The following ELF1 variants were observed in gnomAD, a reference collection of about 807,000 sequenced individuals.
The protein encoded by ELF1 is ETS-related transcription factor Elf-1.
A neutral mutation model predicts 59.9 loss-of-function variants in ELF1; 24 were observed. The observed-to-expected ratio is 0.40, with a 90% confidence interval of 0.29 to 0.56. The LOEUF (loss-of-function observed/expected upper bound fraction) is 0.56. Among genes scored for constraint, ELF1 ranks in the 20% least tolerant of loss-of-function variants. The probability of loss-of-function intolerance (pLI) is 0.44; values close to 1 mark genes in which losing one functional copy is unlikely to be tolerated. For missense variants in ELF1, 627 were observed against 742.2 expected, an observed-to-expected ratio of 0.84 and a Z score of 1.80; for synonymous variants, 248 against 266.2, an observed-to-expected ratio of 0.93 and a Z score of 0.67.
chr13:41,047,839 CTGCTGCCT>C (rs911932389), intron 1 of ELF1, among the ~76,000 whole-genome samples: 5 of 152,218 alleles, frequency 3.3e-5, no homozygotes, highest in African/African-American at 1.2e-4. Context: ...GCAGAGGTTT[CTGCTGCCT>C]TTTGTTTGGC....
chr13:40,944,696 G>C (rs8000575), intron 5 of ELF1, among the ~76,000 whole-genome samples: 33,417 of 152,020 alleles, frequency 0.22, 4,825 homozygotes, highest in East Asian at 0.69. Flanking sequence ...TTGTATTTAG[G>C]TTGAGATCAT....
At chr13:40,974,852 T>TGG (rs1872804649) in intron 2 of ELF1, among the ~76,000 whole-genome samples, 1 of 152,194 alleles carries the variant, frequency 6.6e-6, no homozygotes, top group South Asian at 2.1e-4. Context: ...CAGGCAGGGT[T>TGG]GTTCCTTCAC....
chr13:41,046,067 C>T (rs370928782), intron 1 of ELF1, among the ~76,000 whole-genome samples: 2 of 152,054 alleles, frequency 1.3e-5, no homozygotes, highest in African/African-American at 4.8e-5. Context: ...TTGATCTTTG[C>T]TGGTTTAAAG....
chr13:41,049,641 C>T (rs1309204975), intron 1 of ELF1, among the ~76,000 whole-genome samples: 1 of 152,122 alleles, frequency 6.6e-6, no homozygotes, highest in Non-Finnish European at 1.5e-5. Context: ...TTGCAAAATG[C>T]TACTCCCTCA....
intron 2 of ELF1, among the ~76,000 whole-genome samples, chr13:40,968,720 TC>T (rs1438099641): frequency 1.3e-5 from 2 of 151,392 alleles, no homozygotes; most frequent in African/African-American, 4.9e-5. Context: ...CTTTCTATAT[TC>T]TTTTTTTTTT....
chr13:40,952,398 G>A (rs749078476), intron 3 of ELF1, among the ~76,000 whole-genome samples: 27 of 148,338 alleles, frequency 1.8e-4, no homozygotes, highest in Non-Finnish European at 4.0e-4. Flanking sequence ...GTCTTACCCT[G>A]TCTCCCAGGC....
At chr13:41,035,637 G>A (rs987380316) in intron 1 of ELF1, among the ~76,000 whole-genome samples, 2 of 150,652 alleles carry the variant, frequency 1.3e-5, no homozygotes, top group Non-Finnish European at 2.9e-5. Context: ...TTGACCCAGG[G>A]TCTATACCTC....
chr13:40,963,935 A>G (rs916292165), intron 2 of ELF1, among the ~76,000 whole-genome samples: 4 of 152,136 alleles, frequency 2.6e-5, no homozygotes, highest in African/African-American at 7.2e-5. Context: ...AAGACTATGA[A>G]TAAGTCAGGT....
Position 40,940,914 on chromosome 13 carries a change from T to G in ELF1, c.1256+7A>C. The G allele has an allele frequency of 6.3e-7, 1 of 1,599,434 alleles. No homozygotes were observed. Among genetic ancestry groups the G allele is most frequent in the Non-Finnish European group, 8.5e-7 (1 of 1,171,170 alleles). Reference sequence around the variant, plus strand: ...AGTGATAAGCATCAGTAGTTTGGTTTTCTCACCTAATACTCTGAACGGAAG... The same window carrying G: ...AGTGATAAGCATCAGTAGTTTGGTTGTCTCACCTAATACTCTGAACGGAAG... On this transcript the variant is annotated splice_region_variant and intron_variant, in intron 8 of 8. Coordinates refer to ENST00000239882, the MANE Select transcript of ELF1 (RefSeq NM_172373.4).
intron 1 of ELF1, among the ~76,000 whole-genome samples, chr13:41,027,036 T>C (rs1164770699): frequency 1.3e-5 from 2 of 152,168 alleles, no homozygotes; most frequent in Non-Finnish European, 2.9e-5. Flanking sequence ...TCATGAAATC[T>C]TCCCAGTCAC....
In ELF1 at chr13:40,932,254, TAC is replaced by T. The variant is rs1397356396; in HGVS notation, c.*1169_*1170del. 1.3e-5 allele frequency: 2 copies of T among 152,208 alleles called. No homozygotes were observed. Among genetic ancestry groups the T allele is most frequent in the African/African-American group, 2.4e-5 (1 of 41,444 alleles). The allele number at this position is 152,208 out of a possible 1,614,324, so 9.4% of individuals were successfully genotyped here. A position where few individuals can be genotyped will look rare whatever the true frequency, so the allele number is the denominator to read the frequency against. On this transcript the variant is annotated 3_prime_UTR_variant, in exon 9 of 9. Transcript: ENST00000239882. Reference sequence around the variant, plus strand: ...CTTGTGACATTAAATGTACATTATTTACAGTTGAAAAAGTAATCTAAAAACAT... The same window carrying T: ...CTTGTGACATTAAATGTACATTATTTAGTTGAAAAAGTAATCTAAAAACAT...
chr13:41,049,529 T>C (rs1045072025), intron 1 of ELF1, among the ~76,000 whole-genome samples: 9 of 152,250 alleles, frequency 5.9e-5, no homozygotes, highest in African/African-American at 2.2e-4. Context: ...TTATATGATT[T>C]GATACCTTGC....
chr13:41,049,782 TC>T (rs1877006721), intron 1 of ELF1, among the ~76,000 whole-genome samples: 1 of 152,232 alleles, frequency 6.6e-6, no homozygotes, highest in African/African-American at 2.4e-5. Context: ...GTTAGGGGTC[TC>T]CCTGCCATGC....
rs1219513952 is a variant in ELF1, at chr13:40,933,814, C to T, written c.1471G>A (p.Ala491Thr). The change falls in exon 9 of 9, where the codon GCG becomes ACG. Residue 491 changes from alanine to threonine, a missense_variant. Transcript: ENST00000239882. ...AAGACAATTGAAGGAGGAGAGCCCG[C>T]CTTTTGTGACTGCAGCATGACATTT... Reference protein sequence around the residue: ...KENVMLQSQKAGSPPSIVLGP... With the variant: ...KENVMLQSQKTGSPPSIVLGP... 5.0e-6 allele frequency: 8 copies of T among 1,614,140 alleles called. No individual in the cohort carries two copies. The highest frequency in any genetic ancestry group is 6.8e-6 in the Non-Finnish European group (8 of 1,180,048).
chr13:40,950,583 T>C (rs946549188), intron 4 of ELF1, among the ~76,000 whole-genome samples: 2 of 152,208 alleles, frequency 1.3e-5, no homozygotes, highest in African/African-American at 4.8e-5. Context: ...TATTAAAAGC[T>C]TGTCATTTAC....
Position 41,011,494 on chromosome 13 carries a change from A to C in ELF1, c.-229+7734T>G, listed in dbSNP as rs531880900. Reference sequence around the variant, plus strand: ...GGTCTTACTTTGTTGCCCAGGTTGGAGTATAGTGGCACGAACATGCCTCAG... The same window carrying C: ...GGTCTTACTTTGTTGCCCAGGTTGGCGTATAGTGGCACGAACATGCCTCAG... On this transcript the variant is annotated intron_variant, in intron 1 of 8. Transcript: ENST00000239882. Among the ~76,000 whole-genome samples the C allele has an allele frequency of 2.6e-5, 4 of 152,134 alleles. No homozygotes were observed. In the South Asian group the frequency reaches 8.3e-4, roughly 32 times the overall value.
intron 1 of ELF1, among the ~76,000 whole-genome samples, chr13:41,011,841 C>T (rs1486841557): frequency 6.6e-6 from 1 of 152,084 alleles, no homozygotes; most frequent in Non-Finnish European, 1.5e-5. Context: ...ATTCCTTCAA[C>T]CTCAAGTTCC....
chr13:41,060,889 G>T, exon 1 of ELF1: 1 of 338,514 alleles, frequency 3.0e-6, no homozygotes, highest in South Asian at 2.2e-5. Context: ...CGCCACCGCC[G>T]CCTCTGCGCT....
In ELF1 at chr13:41,033,712, G is replaced by A. The variant is rs116788892; in HGVS notation, c.-229+27126C>T. On this transcript the variant is annotated intron_variant, in intron 1 of 1. Coordinates refer to the ELF1 transcript ENST00000405737. ...GAGAATCTAACGCCCAATGATTTGA[G>A]GTGGAACAGTTTCATCCTGAAACCA... Among the ~76,000 whole-genome samples the A allele has an allele frequency of 2.8e-3, 433 of 152,258 alleles. 2 individuals are homozygous for A. The highest frequency in any genetic ancestry group is 9.6e-3 in the African/African-American group (400 of 41,568).
Sources: gnomAD v4.1 joint callset for allele counts (sites outside exome capture counted in the v4.1 genomes callset) on GRCh38, gnomAD v4.1.1 for gene constraint, MANE v1.5 for transcripts, NCBI Gene and HGNC (gene_info 2026-07-23, HGNC 2026-07-21) for gene names.